SKAP1: variants seen among roughly 807,000 people sequenced by gnomAD.
The protein encoded by SKAP1 is src kinase associated phosphoprotein 1.
A neutral mutation model predicts 58.5 loss-of-function variants in SKAP1; 44 were observed. That is an observed-to-expected ratio of 0.75 (90% confidence interval 0.59 to 0.97). SKAP1 has a LOEUF of 0.97. Ranked by LOEUF, SKAP1 falls within the 50% of genes least tolerant of loss-of-function variation. The probability of loss-of-function intolerance (pLI) is 0.00; values close to 1 mark genes in which losing one functional copy is unlikely to be tolerated. For synonymous variants in SKAP1, 127 were observed against 149.7 expected (o/e 0.85, Z 1.11); for missense variants, 390 against 435.2 (o/e 0.90, Z 0.92).
rs192286270 is a variant in SKAP1, at chr17:48,384,564, G to A, written c.152+12116C>T. Reference sequence around the variant, plus strand: ...CTCTAACACCTTAGAGCAGAGTAACGTCCTACTGCATTTCAGTGTATTACT... The same window carrying A: ...CTCTAACACCTTAGAGCAGAGTAACATCCTACTGCATTTCAGTGTATTACT... On this transcript the variant is annotated intron_variant, in intron 2 of 12. Transcript: ENST00000336915. Among the ~76,000 whole-genome samples, 5 of 152,276 alleles carry A rather than the reference G, an allele frequency of 3.3e-5. No individual in the cohort carries two copies. In the East Asian group the frequency reaches 7.7e-4, roughly 24 times the overall value.
intron 4 of SKAP1, among the ~76,000 whole-genome samples, chr17:48,201,291 T>C (rs2064724878): frequency 6.6e-6 from 1 of 151,524 alleles, no homozygotes; most frequent in Non-Finnish European, 1.5e-5. Context: ...CTTCTTTCCT[T>C]CCTTCCTTTC....
At chr17:48,270,944 C>A (rs1293330815) in intron 4 of SKAP1, among the ~76,000 whole-genome samples, 2 of 84,916 alleles carry the variant, frequency 2.4e-5, no homozygotes, top group Non-Finnish European at 2.3e-5. Flanking sequence ...CAGGTTTAAG[C>A]GGGGGGAGGG....
chr17:48,315,965 G>A (rs1381799733), intron 4 of SKAP1, among the ~76,000 whole-genome samples: 2 of 152,074 alleles, frequency 1.3e-5, no homozygotes, highest in African/African-American at 2.4e-5. Flanking sequence ...CAAGCATTTG[G>A]GATAAGGGAT....
intron 4 of SKAP1, among the ~76,000 whole-genome samples, chr17:48,330,617 G>GTA (rs950925642): frequency 6.6e-6 from 1 of 152,262 alleles, no homozygotes; most frequent in African/African-American, 2.4e-5. Flanking sequence ...CATGCTGCCA[G>GTA]AAGGGCAAAT....
chr17:48,340,075 G>A (rs528621031), intron 4 of SKAP1, among the ~76,000 whole-genome samples: 101 of 152,266 alleles, frequency 6.6e-4, no homozygotes, highest in Admixed American at 1.1e-3. Context: ...AGCTACTCAG[G>A]AGGCTGAGGC....
intron 4 of SKAP1, among the ~76,000 whole-genome samples, chr17:48,204,981 C>CTTTCTTTCTTTCTTTCTTTCTT: frequency 1.8e-5 from 1 of 57,034 alleles, no homozygotes; most frequent in East Asian, 5.3e-4. Flanking sequence ...TCTTTTCTTT[C>CTTTCTTTCTTTCTTTCTTTCTT]TTTCTTTCTT....
chr17:48,287,564 G>A (rs945794983), intron 4 of SKAP1, among the ~76,000 whole-genome samples: 1 of 152,202 alleles, frequency 6.6e-6, no homozygotes, highest in Non-Finnish European at 1.5e-5. Flanking sequence ...GAAAAAAAAG[G>A]AGGCATTTCT....
At chr17:48,196,429 G>C (rs762237805) in intron 4 of SKAP1, among the ~76,000 whole-genome samples, 4 of 151,854 alleles carry the variant, frequency 2.6e-5, no homozygotes, top group Admixed American at 6.6e-5. Context: ...TTTTAGAATC[G>C]GGGTACATGT....
At chr17:48,334,792 A>T (rs1323274675) in intron 4 of SKAP1, among the ~76,000 whole-genome samples, 1 of 151,916 alleles carries the variant, frequency 6.6e-6, no homozygotes, top group Non-Finnish European at 1.5e-5. Context: ...GGTTGGTTAA[A>T]TTTTGTCTTC....
chr17:48,318,700 T>C (rs1463748662), intron 4 of SKAP1, among the ~76,000 whole-genome samples: 1 of 151,934 alleles, frequency 6.6e-6, no homozygotes, highest in Non-Finnish European at 1.5e-5. Flanking sequence ...ACTTCATTTC[T>C]ACAAAAAAAA....
chr17:48,405,499 T>G (rs1414406650), intron 1 of SKAP1, among the ~76,000 whole-genome samples: 5 of 149,642 alleles, frequency 3.3e-5, no homozygotes, highest in Admixed American at 1.3e-4. Flanking sequence ...TTTCTTTCCT[T>G]TCTTTCTTTT....
chr17:48,185,072 A>G, intron 6 of SKAP1: 1 of 491,758 alleles, frequency 2.0e-6, no homozygotes, highest in Non-Finnish European at 3.6e-6. Context: ...TTATTTTGCC[A>G]AAAGAGTACA....
intron 4 of SKAP1, chr17:48,196,933 C>G (rs960120555): frequency 6.6e-6 from 1 of 152,246 alleles, no homozygotes; most frequent in African/African-American, 2.4e-5. Context: ...AGTTAAGTAC[C>G]TATAAGAGGG....
At chr17:48,301,602 A>T (rs1337828988) in intron 4 of SKAP1, among the ~76,000 whole-genome samples, 1 of 151,950 alleles carries the variant, frequency 6.6e-6, no homozygotes, top group African/African-American at 2.4e-5. Context: ...TCAGCCTCCC[A>T]AGTAGCTGGG....
intron 1 of SKAP1, among the ~76,000 whole-genome samples, chr17:48,411,708 A>G (rs1484004613): frequency 6.6e-6 from 1 of 152,116 alleles, no homozygotes; most frequent in Non-Finnish European, 1.5e-5. Context: ...CGAAAATAGC[A>G]CTTTTCCTCT....
At chr17:48,196,356 T>C (rs2064629393) in intron 4 of SKAP1, among the ~76,000 whole-genome samples, 1 of 152,244 alleles carries the variant, frequency 6.6e-6, no homozygotes, top group Non-Finnish European at 1.5e-5. Context: ...CTATATTTCT[T>C]ATTTACTTTT....
At chr17:48,148,035 G>C (rs1598364181) in intron 11 of SKAP1, among the ~76,000 whole-genome samples, 1 of 152,292 alleles carries the variant, frequency 6.6e-6, no homozygotes, top group East Asian at 1.9e-4. Context: ...TCTGAGAAGA[G>C]GAATGTGTTC....
At chr17:48,314,649 A>G (rs1305808667) in intron 4 of SKAP1, among the ~76,000 whole-genome samples, 3 of 152,204 alleles carry the variant, frequency 2.0e-5, no homozygotes, top group Non-Finnish European at 4.4e-5. Context: ...GACAGACATA[A>G]CAAAATAGGC....
At chr17:48,199,873 C>A (rs1321390983) in intron 4 of SKAP1, among the ~76,000 whole-genome samples, 2 of 152,008 alleles carry the variant, frequency 1.3e-5, no homozygotes, top group Admixed American at 6.6e-5. Flanking sequence ...CGTTATAGTA[C>A]CTGGATTAAA....
Sources: allele counts gnomAD v4.1 joint callset (sites outside exome capture counted in the v4.1 genomes callset), GRCh38; gene constraint gnomAD v4.1.1; transcripts MANE v1.5; gene names NCBI Gene and HGNC (gene_info 2026-07-23, HGNC 2026-07-21).